Variants in PTPN14 observed in about 807,000 individuals in gnomAD.
The protein encoded by PTPN14 is protein tyrosine phosphatase non-receptor type 14.
A neutral mutation model predicts 126.8 loss-of-function variants in PTPN14; 53 were observed. The observed-to-expected ratio is 0.42, with a 90% confidence interval of 0.34 to 0.53. The LOEUF (loss-of-function observed/expected upper bound fraction) is 0.53, where lower values mean the gene tolerates loss of function less well. PTPN14 is among the 20% of genes least tolerant of loss of function. PTPN14 has a pLI of 0.08. For synonymous variants in PTPN14, 630 were observed against 599.3 expected, an observed-to-expected ratio of 1.05 and a Z score of -0.75; for missense variants, 1,257 against 1,552.9, an observed-to-expected ratio of 0.81 and a Z score of 3.20.
chr1:214,352,310 A>G lies in PTPN14; in HGVS notation c.*5612T>C, dbSNP rs1657722465. On this transcript the variant is annotated 3_prime_UTR_variant, in exon 19 of 19. Transcript: ENST00000366956. Reference sequence around the variant, plus strand: ...AAGAAGATGCAGCTATATTAAGCTGAAAAGATAAGAAAGGTAGTCTACTGA... The same window carrying G: ...AAGAAGATGCAGCTATATTAAGCTGGAAAGATAAGAAAGGTAGTCTACTGA... 1.3e-5 allele frequency: 2 copies of G among 152,216 alleles called. No individual in the cohort carries two copies. Among genetic ancestry groups the G allele is most frequent in the South Asian group, 4.1e-4 (2 of 4,820 alleles). The allele number at this position is 152,216 out of a possible 1,614,324, so 9.4% of individuals were successfully genotyped here.
chr1:214,403,058 T>A, intron 5 of PTPN14, 105 bp from the exon 6 acceptor site: 1 of 1,083,928 alleles, frequency 9.2e-7, no homozygotes, highest in Non-Finnish European at 1.4e-6. Context: ...ATTAGTCACA[T>A]TTCCTCAATA....
intron 1 of PTPN14, among the ~76,000 whole-genome samples, chr1:214,525,672 G>T (rs2102462665): frequency 6.6e-6 from 1 of 152,232 alleles, no homozygotes; most frequent in Admixed American, 6.5e-5. Flanking sequence ...GTTCAGCTGG[G>T]AAGCTTAGGA....
intron 18 of PTPN14, among the ~76,000 whole-genome samples, chr1:214,360,716 ACTT>A (rs914284948): frequency 6.6e-6 from 1 of 152,060 alleles, no homozygotes; most frequent in Admixed American, 6.5e-5. Flanking sequence ...CAGCTCTACC[ACTT>A]CTTGACTGTG....
chr1:214,528,772 A>C (rs1655464650), intron 1 of PTPN14: 1 of 152,174 alleles, frequency 6.6e-6, no homozygotes, highest in Non-Finnish European at 1.5e-5. Flanking sequence ...CTCTACTAAA[A>C]ATACAAAAAT....
At chr1:214,492,238 C>A (rs918348487) in intron 1 of PTPN14, among the ~76,000 whole-genome samples, 8 of 151,588 alleles carry the variant, frequency 5.3e-5, no homozygotes, top group African/African-American at 1.9e-4. Flanking sequence ...AGTAAAAGAT[C>A]ATCCCTGCCC....
At chr1:214,517,214 T>C (rs1257859407) in intron 1 of PTPN14, among the ~76,000 whole-genome samples, 1 of 152,146 alleles carries the variant, frequency 6.6e-6, no homozygotes, top group African/African-American at 2.4e-5. Flanking sequence ...TCACCTCCAT[T>C]TCTGTGAAGG....
At chr1:214,507,906 A>C (rs1226834341) in intron 1 of PTPN14, among the ~76,000 whole-genome samples, 3 of 152,174 alleles carry the variant, frequency 2.0e-5, no homozygotes, top group African/African-American at 7.2e-5. Context: ...CATTGAGCCC[A>C]GAAGTTCCAG....
intron 1 of PTPN14, among the ~76,000 whole-genome samples, chr1:214,466,892 T>C (rs1660650986): frequency 6.6e-6 from 1 of 152,180 alleles, no homozygotes; most frequent in Admixed American, 6.5e-5. Flanking sequence ...TCCCTGCCAG[T>C]ACTCATGCCT....
intron 1 of PTPN14, among the ~76,000 whole-genome samples, chr1:214,525,925 T>C (rs1655381525): frequency 6.6e-6 from 1 of 151,252 alleles, no homozygotes; most frequent in Non-Finnish European, 1.5e-5. Flanking sequence ...TCATCTTACA[T>C]GGCCTAAGGG....
chr1:214,523,800 G>A (rs1655320425), intron 1 of PTPN14, among the ~76,000 whole-genome samples: 1 of 152,032 alleles, frequency 6.6e-6, no homozygotes, highest in African/African-American at 2.4e-5. Context: ...TGAACACTGG[G>A]GCTGGGAATC....
At chr1:214,526,290 C>T (rs775132039) in intron 1 of PTPN14, among the ~76,000 whole-genome samples, 1 of 152,052 alleles carries the variant, frequency 6.6e-6, no homozygotes, top group Non-Finnish European at 1.5e-5. Context: ...TCTAATGGTG[C>T]CTGGGTAGCG....
chr1:214,546,283 C>G (rs747023083), intron 1 of PTPN14, among the ~76,000 whole-genome samples: 9 of 152,182 alleles, frequency 5.9e-5, no homozygotes, highest in African/African-American at 9.7e-5. Context: ...TTAAGAAGCC[C>G]TGCAGGTGAT....
intron 5 of PTPN14, among the ~76,000 whole-genome samples, chr1:214,404,615 G>A (rs935412005): frequency 1.3e-5 from 2 of 152,088 alleles, no homozygotes; most frequent in Admixed American, 1.3e-4. Flanking sequence ...TACCCCCTCT[G>A]CTATTGTTCT....
Position 214,500,958 on chromosome 1 carries a change from A to T in PTPN14, c.-154-36001T>A, listed in dbSNP as rs550606423. Among the ~76,000 whole-genome samples, 15 of 152,308 alleles carry T rather than the reference A, an allele frequency of 9.8e-5. No homozygotes were observed. The South Asian group carries it at 2.7e-3, about 27-fold the overall frequency. Reference sequence around the variant, plus strand: ...TCGTAATTATTCATTACTGCTAGAAACTATGTAAAACACTAACAATGAAAA... The same window carrying T: ...TCGTAATTATTCATTACTGCTAGAATCTATGTAAAACACTAACAATGAAAA... On this transcript the variant is annotated intron_variant, in intron 1 of 18. Transcript: ENST00000366956.
intron 3 of PTPN14, among the ~76,000 whole-genome samples, chr1:214,444,235 C>G (rs1391748003): frequency 6.6e-6 from 1 of 152,166 alleles, no homozygotes; most frequent in Non-Finnish European, 1.5e-5. Flanking sequence ...GAGATTAGAT[C>G]CCAATGTCAA....
chr1:214,488,896 C>A (rs1197251198), intron 1 of PTPN14, among the ~76,000 whole-genome samples: 1 of 152,208 alleles, frequency 6.6e-6, no homozygotes, highest in Non-Finnish European at 1.5e-5. Context: ...TGCTATGTTG[C>A]AATACATTTC....
intron 12 of PTPN14, among the ~76,000 whole-genome samples, chr1:214,385,800 CA>C (rs1658595191): frequency 6.6e-6 from 1 of 152,162 alleles, no homozygotes; most frequent in Non-Finnish European, 1.5e-5. Context: ...GCACAAAAAA[CA>C]GGGGGAACAC....
intron 15 of PTPN14, among the ~76,000 whole-genome samples, chr1:214,373,242 T>C (rs951174441): frequency 1.3e-5 from 2 of 152,076 alleles, no homozygotes; most frequent in African/African-American, 4.8e-5. Context: ...TTTGTAGAGA[T>C]GGCGTTTCAC....
At chr1:214,486,343 C>T (rs1174861646) in intron 1 of PTPN14, among the ~76,000 whole-genome samples, 1 of 152,152 alleles carries the variant, frequency 6.6e-6, no homozygotes, top group Non-Finnish European at 1.5e-5. Context: ...ACCTGAGATA[C>T]ACTAGCTAGT....
Sources: gnomAD v4.1 joint callset for allele counts (sites outside exome capture counted in the v4.1 genomes callset) on GRCh38, gnomAD v4.1.1 for gene constraint, MANE v1.5 for transcripts, NCBI Gene and HGNC (gene_info 2026-07-23, HGNC 2026-07-21) for gene names.